Variants in SYT14 observed in about 807,000 individuals in gnomAD.
SYT14 encodes synaptotagmin-14.
A neutral mutation model predicts 74.2 loss-of-function variants in SYT14; 32 were observed. The ratio of observed to expected loss-of-function variants is 0.43; its 90% CI spans 0.33 to 0.58. The LOEUF (loss-of-function observed/expected upper bound fraction) is 0.58. SYT14 is among the 20% of genes least tolerant of loss of function. The pLI is 0.05. For missense variants in SYT14, 791 were observed against 981.8 expected, an observed-to-expected ratio of 0.81 and a Z score of 2.60; for synonymous variants, 298 against 337.7, an observed-to-expected ratio of 0.88 and a Z score of 1.29.
intron 1 of SYT14, among the ~76,000 whole-genome samples, chr1:209,949,042 G>T (rs996122587): frequency 3.9e-5 from 6 of 152,116 alleles, no homozygotes; most frequent in African/African-American, 1.4e-4. Flanking sequence ...AGGTATGTCT[G>T]CAGTGTTTTT....
intron 7 of SYT14, among the ~76,000 whole-genome samples, chr1:210,130,510 A>G (rs149092165): frequency 1.2e-3 from 185 of 152,326 alleles, no homozygotes; most frequent in African/African-American, 4.3e-3. Context: ...CAAATTCATC[A>G]TTTCCTGGGC....
At chr1:210,160,848 G>A in exon 10 of SYT14, 1 of 1,613,928 alleles carries the variant, frequency 6.2e-7, no homozygotes, top group South Asian at 1.1e-5. Flanking sequence ...CTTTCAAGTG[G>A]CCCTATTTCA....
chr1:210,163,683 T>G (rs987800118), exon 10 of SYT14: 1 of 453,672 alleles, frequency 2.2e-6, no homozygotes, highest in Non-Finnish European at 4.4e-6. Flanking sequence ...TTTCTGTAGA[T>G]TGACACAACT....
chr1:210,123,567 A>G (rs1053556372), intron 7 of SYT14, among the ~76,000 whole-genome samples: 9 of 152,224 alleles, frequency 5.9e-5, no homozygotes, highest in African/African-American at 1.9e-4. Context: ...AGTAAATAGC[A>G]TAAGTTTCTT....
At chr1:209,990,996 G>A (rs1351672512) in intron 2 of SYT14, among the ~76,000 whole-genome samples, 2 of 152,092 alleles carry the variant, frequency 1.3e-5, no homozygotes, top group Non-Finnish European at 2.9e-5. Flanking sequence ...ACAGCAAACT[G>A]ATCTTTGATA....
intron 2 of SYT14, among the ~76,000 whole-genome samples, chr1:209,990,787 A>G (rs933412484): frequency 6.6e-6 from 1 of 151,796 alleles, no homozygotes; most frequent in African/African-American, 2.4e-5. Context: ...ATACAGAGTA[A>G]TCATTGTTTC....
intron 5 of SYT14, among the ~76,000 whole-genome samples, chr1:210,057,587 A>G (rs1416172117): frequency 6.6e-6 from 1 of 152,130 alleles, no homozygotes; most frequent in Non-Finnish European, 1.5e-5. Context: ...ATAAATCAAT[A>G]ATTTTTTTAT....
chr1:210,016,695 G>A (rs972523710), exon 4 of SYT14: 10 of 1,231,756 alleles, frequency 8.1e-6, no homozygotes, highest in East Asian at 3.2e-5. Flanking sequence ...TCTAAATCTC[G>A]ACATGTATAT....
intron 7 of SYT14, among the ~76,000 whole-genome samples, chr1:210,112,004 T>A (rs193101253): frequency 8.6e-5 from 13 of 151,328 alleles, no homozygotes; most frequent in Admixed American, 8.5e-4. Context: ...ACCAAGAGCC[T>A]GAGAAACTGC....
chr1:209,984,808 T>C lies in SYT14; in HGVS notation c.-485-28825T>C, dbSNP rs146753753. 2.1e-3 allele frequency among the ~76,000 whole-genome samples: 318 copies of C among 152,288 alleles called. 1 individual carries two copies. Among genetic ancestry groups the C allele is most frequent in the African/African-American group, 5.7e-3 (239 of 41,572 alleles). ...AGAGGGCTCAGGGAGCTTTTACTCA[T>C]GCTGGAAGGGAAAGTGGGAGCAGGC... is the stretch of plus-strand genomic sequence containing the variant. On this transcript the variant is annotated intron_variant, in intron 2 of 9. Transcript: ENST00000637265.
At chr1:210,107,057 G>A (rs2082171683) in intron 7 of SYT14, among the ~76,000 whole-genome samples, 1 of 152,222 alleles carries the variant, frequency 6.6e-6, no homozygotes. Flanking sequence ...CCCATGCCAA[G>A]TCCAAAATCC....
intron 5 of SYT14, among the ~76,000 whole-genome samples, chr1:210,060,292 C>G (rs1249895317): frequency 6.6e-6 from 1 of 152,114 alleles, no homozygotes; most frequent in African/African-American, 2.4e-5. Flanking sequence ...CATTCCACTT[C>G]TCACATTTTG....
At chr1:210,077,533 A>G (rs1023431212) in intron 5 of SYT14, among the ~76,000 whole-genome samples, 10 of 152,192 alleles carry the variant, frequency 6.6e-5, no homozygotes, top group African/African-American at 2.4e-4. Context: ...CTACTATATG[A>G]GTAATGCTGA....
intron 5 of SYT14, among the ~76,000 whole-genome samples, chr1:210,083,660 C>G (rs955550807): frequency 4.0e-5 from 6 of 151,514 alleles, no homozygotes; most frequent in African/African-American, 1.5e-4. Flanking sequence ...ACCTTGACCT[C>G]CTGGGCTCAA....
chr1:210,160,312 A>C (rs1173533479), intron 9 of SYT14, among the ~76,000 whole-genome samples: 2 of 151,862 alleles, frequency 1.3e-5, no homozygotes, highest in Non-Finnish European at 2.9e-5. Context: ...AAACAGTGGA[A>C]TGCTTTACAG....
chr1:210,113,252 G>A (rs1156478831), intron 7 of SYT14, among the ~76,000 whole-genome samples: 1 of 151,034 alleles, frequency 6.6e-6, no homozygotes, highest in Non-Finnish European at 1.5e-5. Flanking sequence ...AAAGGGGAGT[G>A]GGGAAAGGAT....
intron 7 of SYT14, among the ~76,000 whole-genome samples, chr1:210,107,367 A>G (rs960328870): frequency 6.6e-6 from 1 of 152,140 alleles, no homozygotes; most frequent in Non-Finnish European, 1.5e-5. Flanking sequence ...ACTTGAGTGG[A>G]GAAACAGCCA....
intron 2 of SYT14, among the ~76,000 whole-genome samples, chr1:209,975,745 T>C (rs2079349934): frequency 6.6e-6 from 1 of 152,214 alleles, no homozygotes; most frequent in Admixed American, 6.5e-5. Flanking sequence ...GATTCCCTCT[T>C]TTTCTATTGA....
At chr1:210,066,362 A>G (rs1460529762) in intron 5 of SYT14, among the ~76,000 whole-genome samples, 6 of 151,982 alleles carry the variant, frequency 3.9e-5, no homozygotes, top group Non-Finnish European at 5.9e-5. Flanking sequence ...AAGTGTTCCT[A>G]TTTCTCCACA....
Sources: allele counts gnomAD v4.1 joint callset (sites outside exome capture counted in the v4.1 genomes callset), GRCh38; gene constraint gnomAD v4.1.1; transcripts MANE v1.5; gene names NCBI Gene and HGNC (gene_info 2026-07-23, HGNC 2026-07-21).